CDH12: variants seen among roughly 807,000 people sequenced by gnomAD.
CDH12 encodes cadherin-12.
A neutral mutation model predicts 74.1 loss-of-function variants in CDH12; 41 were observed. The observed-to-expected ratio is 0.55, with a 90% CI of 0.43 to 0.72. The LOEUF is 0.72. Among genes scored for constraint, CDH12 ranks in the 30% least tolerant of loss-of-function variants. The pLI is 0.00. For synonymous variants in CDH12, 399 were observed against 355.0 expected, an observed-to-expected ratio of 1.12 and a Z score of -1.39; for missense variants, 945 against 977.2, an observed-to-expected ratio of 0.97 and a Z score of 0.44.
At chr5:22,843,047 C>T (rs752486453) in intron 1 of CDH12, among the ~76,000 whole-genome samples, 6 of 151,940 alleles carry the variant, frequency 3.9e-5, no homozygotes, top group Non-Finnish European at 7.4e-5. Context: ...GAGTTTGAAA[C>T]TTTTCTTGGC....
chr5:22,378,849 T>C (rs994708502), intron 3 of CDH12, among the ~76,000 whole-genome samples: 1 of 152,152 alleles, frequency 6.6e-6, no homozygotes, highest in Admixed American at 6.5e-5. Flanking sequence ...TTTATTTTCC[T>C]AGGTCATAAA....
chr5:22,286,822 T>C (rs1448664003), intron 3 of CDH12, among the ~76,000 whole-genome samples: 1 of 152,194 alleles, frequency 6.6e-6, no homozygotes, highest in Admixed American at 6.5e-5. Context: ...TGTATCATGT[T>C]AAGCAAAATC....
At chr5:22,603,723 C>T (rs2126815673) in intron 1 of CDH12, among the ~76,000 whole-genome samples, 1 of 152,096 alleles carries the variant, frequency 6.6e-6, no homozygotes, top group South Asian at 2.1e-4. Flanking sequence ...TACGACAGGA[C>T]TTCAATAAAA....
intron 1 of CDH12, among the ~76,000 whole-genome samples, chr5:22,583,827 T>C (rs1740231157): frequency 6.6e-6 from 1 of 152,142 alleles, no homozygotes; most frequent in Non-Finnish European, 1.5e-5. Context: ...GTCTTCATTG[T>C]GAAATTTAAC....
At chr5:22,319,805 G>A (rs1738789900) in intron 3 of CDH12, among the ~76,000 whole-genome samples, 1 of 151,908 alleles carries the variant, frequency 6.6e-6, no homozygotes. Flanking sequence ...GATGGAAGTG[G>A]GAAGAGGGAG....
chr5:21,864,946 T>C, intron 6 of CDH12, among the ~76,000 whole-genome samples: 1 of 152,206 alleles, frequency 6.6e-6, no homozygotes, highest in Non-Finnish European at 1.5e-5. Context: ...GGAATAAAGG[T>C]AGTCCTTGTC....
chr5:22,723,068 A>G (rs970972654), intron 1 of CDH12, among the ~76,000 whole-genome samples: 8 of 152,208 alleles, frequency 5.3e-5, no homozygotes, highest in Non-Finnish European at 2.9e-5. Flanking sequence ...ACAGGAAATC[A>G]GAAAATATAA....
intron 1 of CDH12, among the ~76,000 whole-genome samples, chr5:22,604,414 G>A (rs1736997426): frequency 6.6e-6 from 1 of 152,168 alleles, no homozygotes; most frequent in Admixed American, 6.5e-5. Flanking sequence ...CACACATGCA[G>A]CTACAGAGAA....
chr5:21,986,527 T>C (rs56139887), intron 5 of CDH12, among the ~76,000 whole-genome samples: 24,944 of 152,130 alleles, frequency 0.16, 2,330 homozygotes, highest in African/African-American at 0.25. Flanking sequence ...AAGGTTAAAA[T>C]AACTTCTTTC....
chr5:22,453,992 G>A (rs1027589711), intron 2 of CDH12, among the ~76,000 whole-genome samples: 2 of 151,718 alleles, frequency 1.3e-5, no homozygotes, highest in Non-Finnish European at 2.9e-5. Flanking sequence ...CTATTATTTT[G>A]AATATGAGAT....
intron 1 of CDH12, among the ~76,000 whole-genome samples, chr5:22,583,442 T>C (rs1267013399): frequency 6.6e-6 from 1 of 152,164 alleles, no homozygotes; most frequent in East Asian, 1.9e-4. Context: ...AATTTAGAAA[T>C]TGATAGTTTT....
intron 1 of CDH12, among the ~76,000 whole-genome samples, chr5:22,525,245 T>C (rs1408666078): frequency 6.6e-6 from 1 of 152,160 alleles, no homozygotes; most frequent in East Asian, 1.9e-4. Flanking sequence ...GTCTTTGCTA[T>C]TGTGAATAGT....
intron 8 of CDH12, among the ~76,000 whole-genome samples, chr5:21,836,155 T>C (rs903950671): frequency 1.3e-5 from 2 of 151,790 alleles, no homozygotes; most frequent in African/African-American, 2.4e-5. Flanking sequence ...ATAAGAATTT[T>C]TATATCTTCA....
At chr5:21,969,673 C>T (rs1756744174) in intron 6 of CDH12, among the ~76,000 whole-genome samples, 1 of 152,116 alleles carries the variant, frequency 6.6e-6, no homozygotes, top group African/African-American at 2.4e-5. Context: ...GACAGAGGTA[C>T]TCAATAGAGC....
At chr5:22,742,890 T>C (rs960294402) in intron 1 of CDH12, among the ~76,000 whole-genome samples, 2 of 152,006 alleles carry the variant, frequency 1.3e-5, no homozygotes, top group African/African-American at 4.8e-5. Context: ...CATTAATCCA[T>C]GTATTTCCGT....
In CDH12 at chr5:22,707,366, G is replaced by T. The variant is rs138760253; in HGVS notation, c.-523+145692C>A. 7.4e-3 allele frequency among the ~76,000 whole-genome samples: 1,121 copies of T among 152,238 alleles called. 10 individuals carry two copies. The highest frequency in any genetic ancestry group is 0.026 in the African/African-American group (1,075 of 41,556). The stretch of plus-strand genomic sequence containing the variant: ...AAGGAAATGTCTTCTATATTGAAAT[G>T]ATAATTAACTTTTAACTATGATTTC... On this transcript the variant is annotated intron_variant, in intron 1 of 14. Transcript: ENST00000382254.
intron 1 of CDH12, among the ~76,000 whole-genome samples, chr5:22,595,848 C>T (rs887668627): frequency 2.0e-5 from 3 of 151,840 alleles, no homozygotes; most frequent in East Asian, 3.9e-4. Context: ...AGGCCAGAGG[C>T]GGGTGGATCA....
In CDH12 at chr5:22,374,964, T is replaced by G. The variant is rs76194360; in HGVS notation, c.-333+30293A>C. Among the ~76,000 whole-genome samples the G allele has an allele frequency of 3.4e-4, 52 of 152,096 alleles. No homozygotes were observed. In the East Asian group the frequency reaches 9.6e-3, roughly 28 times the overall value. ...CAGAATTAAAAAAAATCCTAAAATT[T>G]GTATAAAACTACAAAAGACACCAAA... is the stretch of plus-strand genomic sequence containing the variant. On this transcript the variant is annotated intron_variant, in intron 3 of 14. Coordinates refer to ENST00000382254, the MANE Select transcript of CDH12 (RefSeq NM_004061.5).
At chr5:22,086,356 A>AT in intron 4 of CDH12, among the ~76,000 whole-genome samples, 1 of 151,504 alleles carries the variant, frequency 6.6e-6, no homozygotes, top group East Asian at 1.9e-4. Flanking sequence ...TTTTATTATT[A>AT]TTTTTTGAGA....
Sources: allele counts gnomAD v4.1 joint callset (sites outside exome capture counted in the v4.1 genomes callset), GRCh38; gene constraint gnomAD v4.1.1; transcripts MANE v1.5; gene names NCBI Gene and HGNC (gene_info 2026-07-23, HGNC 2026-07-21).